CAMK1D: variants seen among roughly 807,000 people sequenced by gnomAD.
CAMK1D encodes calcium/calmodulin-dependent protein kinase type 1D.
Under a neutral mutation model 47.7 loss-of-function variants are expected in CAMK1D, and 9 were observed. The ratio of observed to expected loss-of-function variants is 0.19; its 90% CI spans 0.11 to 0.33. The LOEUF is 0.33. CAMK1D is among the 10% of genes least tolerant of loss of function. The pLI is 1.00. For synonymous variants in CAMK1D, 184 were observed against 184.9 expected (o/e 0.99, Z 0.04); for missense variants, 291 against 488.7 (o/e 0.60, Z 3.81).
chr10:12,500,811 C>T (rs1027211275), intron 1 of CAMK1D, among the ~76,000 whole-genome samples: 1 of 152,202 alleles, frequency 6.6e-6, no homozygotes, highest in Non-Finnish European at 1.5e-5. Flanking sequence ...ACACCTCTTA[C>T]TTGTTGATTA....
chr10:12,501,736 T>A (rs1419358940), intron 1 of CAMK1D, among the ~76,000 whole-genome samples: 2 of 152,116 alleles, frequency 1.3e-5, no homozygotes, highest in Non-Finnish European at 2.9e-5. Flanking sequence ...TGGGCGGAGA[T>A]CGAGGATGCT....
intron 1 of CAMK1D, among the ~76,000 whole-genome samples, chr10:12,507,435 C>G (rs1197464402): frequency 6.6e-6 from 1 of 152,082 alleles, no homozygotes; most frequent in East Asian, 1.9e-4. Context: ...TGGGGGAGTA[C>G]GTTGTGTCTA....
At chr10:12,377,756 C>CG (rs1838225597) in intron 1 of CAMK1D, among the ~76,000 whole-genome samples, 1 of 152,092 alleles carries the variant, frequency 6.6e-6, no homozygotes, top group Non-Finnish European at 1.5e-5. Flanking sequence ...TTAAAAATCT[C>CG]GAACACCCAG....
chr10:12,569,412 C>A (rs942741081), intron 2 of CAMK1D, among the ~76,000 whole-genome samples: 7 of 152,086 alleles, frequency 4.6e-5, no homozygotes, highest in Non-Finnish European at 1.0e-4. Flanking sequence ...TTCTACTACT[C>A]TTAAAAATTG....
chr10:12,442,957 C>A (rs979434896), intron 1 of CAMK1D, among the ~76,000 whole-genome samples: 1 of 152,156 alleles, frequency 6.6e-6, no homozygotes, highest in Non-Finnish European at 1.5e-5. Context: ...CCCATTTTAT[C>A]TTGTCTTCTC....
In CAMK1D at chr10:12,563,664, T is replaced by TGAGAGAGAGAGAGAGAGAGAGAGA. The variant is rs373932374; in HGVS notation, c.224+10320_224+10343dup. ...GGCATTCCAGAAGAGGCGGAAGGTT[T>TGAGAGAGAGAGAGAGAGAGAGAGA]GAGAGAGAGAGAGAGAGAGAGAGAG... On this transcript the variant is annotated intron_variant, in intron 2 of 10. Coordinates refer to ENST00000619168, the MANE Select transcript of CAMK1D (RefSeq NM_153498.4). Among the ~76,000 whole-genome samples the TGAGAGAGAGAGAGAGAGAGAGAGA allele has an allele frequency of 1.7e-4, 22 of 130,122 alleles. No individual in the cohort carries two copies. The East Asian group carries it at 2.3e-3, about 14-fold the overall frequency. 85.4% of individuals were successfully genotyped at this position (130,122 alleles called of 152,430 possible).
intron 2 of CAMK1D, among the ~76,000 whole-genome samples, chr10:12,611,644 T>A (rs1304020484): frequency 7.5e-6 from 1 of 134,124 alleles, no homozygotes; most frequent in Non-Finnish European, 1.6e-5. Flanking sequence ...CAGGCTGGAG[T>A]GCAGTGGCGC....
chr10:12,798,543 C>T (rs1402291694), intron 6 of CAMK1D, among the ~76,000 whole-genome samples: 2 of 152,158 alleles, frequency 1.3e-5, no homozygotes, highest in African/African-American at 4.8e-5. Flanking sequence ...TTACAGCGAT[C>T]TGGGTTTGGA....
At chr10:12,406,812 T>G (rs536334353) in intron 1 of CAMK1D, among the ~76,000 whole-genome samples, 1 of 150,948 alleles carries the variant, frequency 6.6e-6, no homozygotes, top group South Asian at 2.1e-4. Context: ...CCTCCATTGC[T>G]GCGTAATAAG....
rs1833119851 is a variant in CAMK1D at position 12,694,219 on chromosome 10, AATAT to A, written c.299+27414_299+27417del. Among the ~76,000 whole-genome samples, 2 of 60,950 alleles carry A rather than the reference AATAT, an allele frequency of 3.3e-5. 1 individual carries two copies. The highest frequency in any genetic ancestry group is 5.5e-5 in the Non-Finnish European group (2 of 36,672). 40.0% of individuals were successfully genotyped at this position (60,950 alleles called of 152,430 possible). On this transcript the variant is annotated intron_variant, in intron 3 of 10. Transcript: ENST00000619168. ...ATATTATATATTATGTATAATATAA[AATAT>A]ATATTATGTATAATATATAATATAT...
chr10:12,462,406 C>T (rs572866911), intron 1 of CAMK1D, among the ~76,000 whole-genome samples: 5 of 151,908 alleles, frequency 3.3e-5, no homozygotes, highest in East Asian at 3.9e-4. Flanking sequence ...CCTTGTGATC[C>T]GCCCACCCTG....
intron 1 of CAMK1D, among the ~76,000 whole-genome samples, chr10:12,435,951 C>T (rs1832622864): frequency 6.6e-6 from 1 of 152,188 alleles, no homozygotes; most frequent in Non-Finnish European, 1.5e-5. Context: ...AGGCTCCACC[C>T]TTGTCTGTAG....
chr10:12,698,622 G>A (rs112809629), intron 3 of CAMK1D, among the ~76,000 whole-genome samples: 2,142 of 151,156 alleles, frequency 0.014, 42 homozygotes, highest in African/African-American at 0.049. Flanking sequence ...AACCATGTCA[G>A]TGTGGTGTTT....
chr10:12,383,145 G>A (rs963317367), intron 1 of CAMK1D, among the ~76,000 whole-genome samples: 11 of 152,126 alleles, frequency 7.2e-5, no homozygotes, highest in African/African-American at 2.6e-4. Flanking sequence ...CCAGGTTTCC[G>A]GGTGTAGTTT....
At chr10:12,406,722 C>CAAAAAAAAAAAAAAA (rs3061400) in intron 1 of CAMK1D, among the ~76,000 whole-genome samples, 3 of 69,244 alleles carry the variant, frequency 4.3e-5, no homozygotes, top group African/African-American at 2.1e-4. Context: ...GACCCTGTCT[C>CAAAAAAAAAAAAAAA]AAAAAAAAAA....
intron 1 of CAMK1D, among the ~76,000 whole-genome samples, chr10:12,491,472 A>G (rs1000216157): frequency 1.3e-5 from 2 of 151,960 alleles, no homozygotes; most frequent in African/African-American, 4.8e-5. Flanking sequence ...GGAAATGTAT[A>G]TATATTTTTT....
At chr10:12,706,977 A>C (rs915778902) in intron 3 of CAMK1D, among the ~76,000 whole-genome samples, 1 of 152,202 alleles carries the variant, frequency 6.6e-6, no homozygotes, top group Admixed American at 6.5e-5. Flanking sequence ...TGGGATTTTA[A>C]AGGAAGACGG....
chr10:12,756,934 A>G (rs1191756838), intron 3 of CAMK1D, among the ~76,000 whole-genome samples: 2 of 152,188 alleles, frequency 1.3e-5, no homozygotes, highest in Non-Finnish European at 2.9e-5. Flanking sequence ...AAATAAAACA[A>G]AAGAACTGAA....
At chr10:12,617,516 A>G (rs1838860027) in intron 2 of CAMK1D, among the ~76,000 whole-genome samples, 1 of 152,156 alleles carries the variant, frequency 6.6e-6, no homozygotes, top group Non-Finnish European at 1.5e-5. Context: ...ATGGCCAGAA[A>G]ATAAGCGCAC....
Sources: allele counts gnomAD v4.1 joint callset (sites outside exome capture counted in the v4.1 genomes callset), GRCh38; gene constraint gnomAD v4.1.1; transcripts MANE v1.5; gene names NCBI Gene and HGNC (gene_info 2026-07-23, HGNC 2026-07-21).